CLUAP1: variants seen among roughly 807,000 people sequenced by gnomAD.
CLUAP1 encodes intraflagellar transport 38, also known as clusterin-associated protein 1.
A neutral mutation model predicts 55.0 loss-of-function variants in CLUAP1; 50 were observed. The ratio of observed to expected loss-of-function variants is 0.91; its 90% confidence interval spans 0.72 to 1.15. The LOEUF (loss-of-function observed/expected upper bound fraction) is 1.15, where lower values mean the gene tolerates loss of function less well. CLUAP1 is among the 50% of genes most tolerant of loss of function. CLUAP1 has a pLI of 0.00. For synonymous variants in CLUAP1, 195 were observed against 175.4 expected (o/e 1.11, Z -0.88); for missense variants, 530 against 507.6 (o/e 1.04, Z -0.42).
chr16:3,526,776 A>G (rs1428886197), intron 9 of CLUAP1, among the ~76,000 whole-genome samples: 5 of 152,162 alleles, frequency 3.3e-5, no homozygotes, highest in African/African-American at 1.2e-4. Flanking sequence ...TAGCATTTAA[A>G]ACACATTTCG....
chr16:3,524,614 A>G (rs1005283364), intron 8 of CLUAP1, among the ~76,000 whole-genome samples: 1 of 151,498 alleles, frequency 6.6e-6, no homozygotes, highest in Non-Finnish European at 1.5e-5. Flanking sequence ...AAAAAAAAAA[A>G]AAAAAAAGAA....
chr16:3,528,312 ACACT>A (rs2037987186), intron 9 of CLUAP1, among the ~76,000 whole-genome samples: 1 of 152,022 alleles, frequency 6.6e-6, no homozygotes, highest in East Asian at 1.9e-4. Context: ...GCTCCCACAC[ACACT>A]CTCTCTCTCT....
rs761143695 is a variant in CLUAP1 at position 3,501,028 on chromosome 16, C to T, written c.-40C>T. On this transcript the variant is annotated 5_prime_UTR_variant, in exon 1 of 12. Coordinates refer to ENST00000576634, the MANE Select transcript of CLUAP1 (RefSeq NM_015041.3). Reference sequence around the variant, plus strand: ...CGCTGGGCCTGTGATCGCTGAGGGGCGAGCAGTTGCGACCCTGGGCTCCTG... The same window carrying T: ...CGCTGGGCCTGTGATCGCTGAGGGGTGAGCAGTTGCGACCCTGGGCTCCTG... The T allele has an allele frequency of 2.5e-6, 4 of 1,591,240 alleles. No homozygotes were observed. Among genetic ancestry groups the T allele is most frequent in the Middle Eastern group, 1.8e-4 (1 of 5,712 alleles).
At chr16:3,528,148 G>C (rs189858429) in intron 9 of CLUAP1, among the ~76,000 whole-genome samples, 1 of 152,174 alleles carries the variant, frequency 6.6e-6, no homozygotes, top group Non-Finnish European at 1.5e-5. Context: ...GTCAGGGACC[G>C]GTAGCAGCCC....
At chr16:3,533,886 T>C (rs2038178896) in intron 11 of CLUAP1, 1 of 152,322 alleles carries the variant, frequency 6.6e-6, no homozygotes, top group African/African-American at 2.4e-5. Flanking sequence ...GTGCTGGCAA[T>C]GCTGAGGCAG....
intron 2 of CLUAP1, 123 bp downstream of exon 2, chr16:3,504,954 G>C: frequency 6.0e-6 from 4 of 669,454 alleles, no homozygotes; most frequent in East Asian, 2.7e-5. Flanking sequence ...GACAGACCCA[G>C]CTGTATTCTG....
chr16:3,524,255 T>C (rs2037895252), intron 8 of CLUAP1, among the ~76,000 whole-genome samples: 1 of 150,796 alleles, frequency 6.6e-6, no homozygotes, highest in Non-Finnish European at 1.5e-5. Flanking sequence ...TGAGCCATGA[T>C]CATGCCACTG....
intron 4 of CLUAP1, among the ~76,000 whole-genome samples, chr16:3,510,445 G>A (rs1357327157): frequency 6.6e-6 from 1 of 152,304 alleles, no homozygotes; most frequent in Admixed American, 6.5e-5. Context: ...TCACATGTGG[G>A]TTTTTAACCA....
chr16:3,506,069 C>T (rs1383421667), intron 2 of CLUAP1, among the ~76,000 whole-genome samples: 1 of 152,242 alleles, frequency 6.6e-6, no homozygotes. Context: ...TGATTAGCTT[C>T]ATGACATGGT....
At chr16:3,511,856 G>A (rs1207147977) in intron 4 of CLUAP1, among the ~76,000 whole-genome samples, 1 of 152,178 alleles carries the variant, frequency 6.6e-6, no homozygotes, top group Non-Finnish European at 1.5e-5. Flanking sequence ...AAAGGTAGGA[G>A]CTGACATGAA....
chr16:3,505,354 C>T (rs2037482520), intron 2 of CLUAP1, among the ~76,000 whole-genome samples: 1 of 152,042 alleles, frequency 6.6e-6, no homozygotes. Flanking sequence ...CACGGTGAAA[C>T]CCCATCTCTA....
At position 3,537,304 on chromosome 16, in the gene CLUAP1, A is replaced by G. The variant is rs1435101673; in HGVS notation, c.*1033A>G. ...GAATTAAGTAGAGTAATAGCACTAG[A>G]AGAATTTTTCTGTTGTGAAATTAGA... is the stretch of plus-strand genomic sequence containing the variant. On this transcript the variant is annotated 3_prime_UTR_variant, in exon 12 of 12. Coordinates refer to ENST00000576634, the MANE Select transcript of CLUAP1 (RefSeq NM_015041.3). 6.6e-6 allele frequency: 1 copy of G among 152,228 alleles called. No individual in the cohort carries two copies. Among genetic ancestry groups the G allele is most frequent in the Non-Finnish European group, 1.5e-5 (1 of 68,046 alleles). The allele number at this position is 152,228 out of a possible 1,614,324, so 9.4% of individuals were successfully genotyped here.
At chr16:3,523,843 G>A (rs1301765942) in intron 8 of CLUAP1, among the ~76,000 whole-genome samples, 2 of 152,110 alleles carry the variant, frequency 1.3e-5, no homozygotes, top group Non-Finnish European at 2.9e-5. Flanking sequence ...GTACACACCT[G>A]TAGTCCCAGC....
intron 5 of CLUAP1, 85 bp from the exon 6 acceptor site, chr16:3,515,423 C>A: frequency 2.1e-6 from 2 of 933,720 alleles, no homozygotes; most frequent in South Asian, 1.5e-5. Flanking sequence ...GAGAATCAGT[C>A]TATAAGGCAC....
Position 3,525,099 on chromosome 16 carries a change from C to T in CLUAP1, c.856-1313C>T, listed in dbSNP as rs577666774. 7.2e-5 allele frequency among the ~76,000 whole-genome samples: 11 copies of T among 152,264 alleles called. No individual in the cohort carries two copies. The South Asian group carries it at 1.7e-3, about 23-fold the overall frequency. On this transcript the variant is annotated intron_variant, in intron 8 of 11. Coordinates refer to ENST00000576634, the MANE Select transcript of CLUAP1 (RefSeq NM_015041.3). The stretch of plus-strand genomic sequence containing the variant: ...TCCGTGTGGACACATGTCATCTTGA[C>T]GAGGAATTCATTGCTAGCATTACTC...
rs772305351 is a variant in CLUAP1, at chr16:3,523,310, C to T, written c.855+11C>T. The T allele has an allele frequency of 1.8e-5, 29 of 1,604,594 alleles. No homozygotes were observed. Among genetic ancestry groups the T allele is most frequent in the Middle Eastern group, 1.7e-4 (1 of 6,048 alleles). On this transcript the variant is annotated intron_variant, in intron 8 of 11. Coordinates refer to ENST00000576634, the MANE Select transcript of CLUAP1 (RefSeq NM_015041.3). ...CAAGAAAGGTTTGAGGTGAGCTGAG[C>T]CTGTCCTCTGTTCAGCCATTCCTTC...
intron 1 of CLUAP1, 146 bp downstream of exon 1, chr16:3,501,235 C>T (rs2037393155): frequency 2.5e-6 from 2 of 806,866 alleles, no homozygotes; most frequent in Admixed American, 2.7e-5. Context: ...CCGCCTGACC[C>T]GCGGCTGCAA....
chr16:3,533,570 C>G lies in CLUAP1; in HGVS notation c.1092+729C>G, dbSNP rs77762072. On this transcript the variant is annotated intron_variant, in intron 11 of 11. Transcript: ENST00000576634. ...ACTGAGTGGATAACTCCCTGGAGCA[C>G]TTAAGCAAAAGGGGATTCTAGGGGT... 32 of 188,248 alleles carry G rather than the reference C, an allele frequency of 1.7e-4. No homozygotes were observed. In the East Asian group the frequency reaches 1.9e-3, roughly 11 times the overall value. The allele number at this position is 188,248 out of a possible 1,614,324, so 11.7% of individuals were successfully genotyped here.
upstream of CLUAP1, chr16:3,500,819 A>G: frequency 3.6e-6 from 2 of 557,772 alleles, no homozygotes; most frequent in South Asian, 4.4e-5. Context: ...AGAAGCTGGG[A>G]AGCTTGCAGC....
Sources: allele counts gnomAD v4.1 joint callset (sites outside exome capture counted in the v4.1 genomes callset), GRCh38; gene constraint gnomAD v4.1.1; transcripts MANE v1.5; gene names NCBI Gene and HGNC (gene_info 2026-07-23, HGNC 2026-07-21).